The following AR variants were observed in gnomAD, a reference collection of about 807,000 sequenced individuals.
AR encodes androgen receptor, also known as dihydrotestosterone receptor.
Under a neutral mutation model 53.9 loss-of-function variants are expected in AR, and 8 were observed. The observed-to-expected ratio is 0.15, with a 90% CI of 0.09 to 0.27. The LOEUF is 0.27. Ranked by LOEUF, AR falls within the 10% of genes least tolerant of loss-of-function variation. The pLI is 1.00. For missense variants in AR, 639 were observed against 742.5 expected (o/e 0.86, Z 1.62); for synonymous variants, 359 against 316.4 (o/e 1.13, Z -1.43).
Position 67,711,650 on chromosome X carries a change from C to G in AR, c.2134C>G (p.Gln712Glu), listed in dbSNP as rs2076094491. 8.3e-7 allele frequency: 1 copy of G among 1,205,691 alleles called. No homozygotes were observed. Among genetic ancestry groups the G allele is most frequent in the Admixed American group, 2.2e-5 (1 of 45,539 alleles). ...LSSLNELGER[Q>E]LVHVVKWAKA... The stretch of plus-strand genomic sequence containing the variant: ...TAGCCTCAATGAACTGGGAGAGAGA[C>G]AGCTTGTACACGTGGTCAAGTGGGC... Residue 712 changes from glutamine to glutamate, a missense_variant, in exon 4 of 8, where the codon CAG (glutamine) becomes GAG (glutamate). Coordinates refer to ENST00000374690, the MANE Select transcript of AR (RefSeq NM_000044.6).
At chrX:67,596,180 G>A (rs889839669) in intron 1 of AR, among the ~76,000 whole-genome samples, 2 of 110,090 alleles carry the variant, frequency 1.8e-5, no homozygotes, top group African/African-American at 3.3e-5. Flanking sequence ...ACCAGAAGCC[G>A]AACAGATGCC....
intron 2 of AR, among the ~76,000 whole-genome samples, chrX:67,685,696 C>T (rs115730156): frequency 9.9e-5 from 11 of 111,270 alleles, no homozygotes; most frequent in African/African-American, 2.9e-4. Flanking sequence ...TTCTCATGGG[C>T]ATTTCTGACT....
intron 5 of AR, among the ~76,000 whole-genome samples, chrX:67,718,087 C>T (rs2076120994): frequency 1.8e-5 from 2 of 112,183 alleles, no homozygotes; most frequent in South Asian, 7.5e-4. Flanking sequence ...CTCATGGTGA[C>T]CTGACCTCAC....
chrX:67,602,536 A>G (rs767328877), intron 1 of AR, among the ~76,000 whole-genome samples: 46 of 112,308 alleles, frequency 4.1e-4, no homozygotes, highest in South Asian at 1.1e-3. Flanking sequence ...AGAGATTTGA[A>G]CATTGAGGGG....
chrX:67,560,188 A>C (rs886120716), intron 1 of AR, among the ~76,000 whole-genome samples: 1 of 111,373 alleles, frequency 9.0e-6, no homozygotes, highest in African/African-American at 3.3e-5. Context: ...TTCCCCATCA[A>C]AGATGATCTC....
intron 1 of AR, among the ~76,000 whole-genome samples, chrX:67,635,533 G>A (rs1276759068): frequency 9.0e-6 from 1 of 110,829 alleles, no homozygotes; most frequent in Non-Finnish European, 1.9e-5. Flanking sequence ...AAGAAAGTTG[G>A]GGGACAGGAG....
intron 1 of AR, among the ~76,000 whole-genome samples, chrX:67,638,237 C>A (rs1925553249): frequency 9.0e-6 from 1 of 111,545 alleles, no homozygotes; most frequent in Non-Finnish European, 1.9e-5. Flanking sequence ...ATGGGCATTT[C>A]AGTTGTTCCA....
At chrX:67,605,198 G>T (rs764472708) in intron 1 of AR, among the ~76,000 whole-genome samples, 1 of 112,630 alleles carries the variant, frequency 8.9e-6, no homozygotes, top group East Asian at 2.8e-4. Flanking sequence ...TCTTTCCAAG[G>T]TTAGTTGCCA....
intron 1 of AR, among the ~76,000 whole-genome samples, chrX:67,602,922 C>G (rs1923446121): frequency 8.9e-6 from 1 of 112,120 alleles, no homozygotes; most frequent in Non-Finnish European, 1.9e-5. Flanking sequence ...TTTATCCTCT[C>G]ATGATTCAGT....
chrX:67,569,130 G>A, intron 1 of AR: 1 of 764,703 alleles, frequency 1.3e-6, no homozygotes, highest in Non-Finnish European at 1.8e-6. Context: ...TATCTATTAG[G>A]CATCTAGACT....
At chrX:67,712,910 T>C (rs1433786120) in intron 4 of AR, among the ~76,000 whole-genome samples, 2 of 112,467 alleles carry the variant, frequency 1.8e-5, no homozygotes, top group Non-Finnish European at 3.8e-5. Context: ...TTGATTCTTA[T>C]AGGAATCCTA....
intron 1 of AR, among the ~76,000 whole-genome samples, chrX:67,619,315 T>TTC (rs757078389): frequency 1.4e-4 from 15 of 108,057 alleles, no homozygotes; most frequent in East Asian, 2.9e-4. Flanking sequence ...GAGGCAAAGA[T>TTC]TCTCTCTCTC....
intron 4 of AR, among the ~76,000 whole-genome samples, chrX:67,712,986 C>A (rs1483750464): frequency 1.8e-5 from 2 of 110,116 alleles, no homozygotes; most frequent in Non-Finnish European, 3.8e-5. Context: ...ATGTGATTGG[C>A]CTATAGTTAC....
intron 1 of AR, among the ~76,000 whole-genome samples, chrX:67,627,263 C>A (rs1275545519): frequency 6.0e-4 from 67 of 111,325 alleles, no homozygotes; most frequent in African/African-American, 2.2e-3. Flanking sequence ...TCAAAGTGTT[C>A]CTATTTCTCC....
intron 1 of AR, among the ~76,000 whole-genome samples, chrX:67,642,883 A>G (rs1053723765): frequency 5.4e-5 from 6 of 111,911 alleles, no homozygotes; most frequent in African/African-American, 1.6e-4. Flanking sequence ...CTCCCTTTGG[A>G]TGAGGTAAAG....
chrX:67,665,766 C>G (rs1319451040), intron 2 of AR, among the ~76,000 whole-genome samples: 2 of 111,828 alleles, frequency 1.8e-5, no homozygotes, highest in Non-Finnish European at 3.8e-5. Context: ...AGAATATGAT[C>G]AGTATGTTGC....
At chrX:67,670,530 A>G (rs1011852936) in intron 2 of AR, among the ~76,000 whole-genome samples, 1 of 107,103 alleles carries the variant, frequency 9.3e-6, no homozygotes, top group Non-Finnish European at 1.9e-5. Context: ...TTATATATAT[A>G]CTACATAAAG....
chrX:67,729,562 T>A lies in AR; in HGVS notation c.*5721T>A. ...TGCATTGATTGGCTTCTGATTCCAA[T>A]TCAGTATAGCAAGGTGCTAGGTTTT... On this transcript the variant is annotated 3_prime_UTR_variant, in exon 8 of 8. Coordinates refer to ENST00000374690, the MANE Select transcript of AR (RefSeq NM_000044.6). 1 of 174,665 alleles carries A rather than the reference T, an allele frequency of 5.7e-6. No individual in the cohort carries two copies. Among genetic ancestry groups the A allele is most frequent in the Non-Finnish European group, 1.1e-5 (1 of 91,057 alleles). The allele number at this position is 174,665 out of a possible 1,213,427, so 14.4% of individuals were successfully genotyped here.
At chrX:67,652,333 A>G (rs184795447) in intron 2 of AR, among the ~76,000 whole-genome samples, 84 of 111,942 alleles carry the variant, frequency 7.5e-4, no homozygotes, top group Non-Finnish European at 2.1e-4. Context: ...ACATAAGCAC[A>G]TTCCTACAGG....
Sources: gnomAD v4.1 joint callset for allele counts (sites outside exome capture counted in the v4.1 genomes callset) on GRCh38, gnomAD v4.1.1 for gene constraint, MANE v1.5 for transcripts, NCBI Gene and HGNC (gene_info 2026-07-23, HGNC 2026-07-21) for gene names.